Variants in CNN2 observed in about 807,000 individuals in gnomAD.
CNN2 encodes the protein calponin-2.
In CNN2, 21 loss-of-function variants were observed where a neutral mutation model predicts 31.0. The ratio of observed to expected loss-of-function variants is 0.68; its 90% confidence interval spans 0.48 to 0.98. The LOEUF is 0.98. Ranked by LOEUF, CNN2 falls within the 50% of genes least tolerant of loss-of-function variation. The pLI is 0.00. For synonymous variants in CNN2, 165 were observed against 179.6 expected (o/e 0.92, Z 0.65); for missense variants, 399 against 427.3 (o/e 0.93, Z 0.58).
At position 1,037,986 on chromosome 19, in the gene CNN2, T is replaced by C; in HGVS notation, c.*86T>C. 1.6e-6 allele frequency: 2 copies of C among 1,250,456 alleles called. No homozygotes were observed. The highest frequency in any genetic ancestry group is 2.2e-6 in the Non-Finnish European group (2 of 919,362). 77.5% of individuals were successfully genotyped at this position (1,250,456 alleles called of 1,614,324 possible). A position where few individuals can be genotyped will look rare whatever the true frequency, so the allele number is the denominator to read the frequency against. ...GTTTTCATCTTTTTTTTTTTTTTCT[T>C]AACCCGTTCAGTGCTGCCAGTCAAC... On this transcript the variant is annotated 3_prime_UTR_variant, in exon 7 of 7. Transcript: ENST00000263097.
At position 1,036,572 on chromosome 19, in the gene CNN2, G is replaced by A. The variant is rs762327778; in HGVS notation, c.654+10G>A. On this transcript the variant is annotated intron_variant, in intron 6 of 6. Transcript: ENST00000263097. ...CAAGTGTGCCAGCCAGGTGGGGCTC[G>A]CCCGGGTGCCCCCGACTCCTCTCCC... 31 of 1,613,354 alleles carry A rather than the reference G, an allele frequency of 1.9e-5. No individual in the cohort carries two copies. Among genetic ancestry groups the A allele is most frequent in the South Asian group, 4.4e-5 (4 of 91,072 alleles).
rs1599520196 is a variant in CNN2 at position 1,037,991 on chromosome 19, C to T, written c.*91C>T. The T allele has an allele frequency of 4.8e-6, 6 of 1,239,530 alleles. No homozygotes were observed. The East Asian group carries it at 7.3e-5, about 15-fold the overall frequency. 76.8% of individuals were successfully genotyped at this position (1,239,530 alleles called of 1,614,324 possible). On this transcript the variant is annotated 3_prime_UTR_variant, in exon 7 of 7. Transcript: ENST00000263097. ...CATCTTTTTTTTTTTTTTCTTAACCCGTTCAGTGCTGCCAGTCAACCAAGG... is the reference window on the plus strand; with the variant it reads ...CATCTTTTTTTTTTTTTTCTTAACCTGTTCAGTGCTGCCAGTCAACCAAGG...
chr19:1,036,672 C>T (rs1398451733), intron 6 of CNN2, 110 bp downstream of exon 6: 4 of 1,389,868 alleles, frequency 2.9e-6, no homozygotes, highest in African/African-American at 1.4e-5. Context: ...TCAGTCTCAG[C>T]CCCTTCCCTA....
At chr19:1,030,551 G>C (rs1220037943) in intron 1 of CNN2, among the ~76,000 whole-genome samples, 1 of 152,130 alleles carries the variant, frequency 6.6e-6, no homozygotes, top group Non-Finnish European at 1.5e-5. Flanking sequence ...GCCTGAACCG[G>C]GGAGGCGGAG....
chr19:1,026,960 C>A, intron 1 of CNN2: 1 of 493,158 alleles, frequency 2.0e-6, no homozygotes, highest in East Asian at 3.8e-5. Flanking sequence ...TGACCCATTC[C>A]CCCCCCCAAC....
chr19:1,036,279 C>T (rs753214697), intron 5 of CNN2, 33 bp downstream of exon 5: 21 of 1,568,368 alleles, frequency 1.3e-5, no homozygotes, highest in East Asian at 4.5e-5. Flanking sequence ...CCAGGGACCA[C>T]GGCATTGGGG....
At position 1,036,406 on chromosome 19, in the gene CNN2, C is replaced by G. The variant is rs374350795; in HGVS notation, c.508-10C>G. On this transcript the variant is annotated splice_polypyrimidine_tract_variant and intron_variant, in intron 5 of 6. Coordinates refer to ENST00000263097, the MANE Select transcript of CNN2 (RefSeq NM_004368.4). The stretch of plus-strand genomic sequence containing the variant: ...GTGCAGTCTGACCTCTCCCACGAAC[C>G]TCCCTGCAGATGGGCACCAACAAAT... 3.7e-6 allele frequency: 6 copies of G among 1,612,650 alleles called. No homozygotes were observed. In the African/African-American group the frequency reaches 6.7e-5, roughly 18 times the overall value.
chr19:1,036,654 C>T (rs773618323), intron 6 of CNN2, 92 bp downstream of exon 6: 1 of 1,500,386 alleles, frequency 6.7e-7, no homozygotes, highest in South Asian at 1.1e-5. Context: ...CAGCTTCTCT[C>T]CCCACTCTCA....
rs773611204 is a variant in CNN2 at position 1,032,571 on chromosome 19, T to C, written c.265T>C (p.Ser89Pro). Residue 89 changes from serine (S) to proline (P), a missense_variant, in exon 4 of 7, where the codon TCC becomes CCC. Physicochemically the swap from Ser to Pro is moderately conservative, Grantham distance 74. Coordinates refer to ENST00000263097, the MANE Select transcript of CNN2 (RefSeq NM_004368.4). ...TGCCTCTTCCCAGCTAGAAAACCTGTCCAACTTCATCAAGGCCATGGTCAG... is the reference window on the plus strand; with the variant it reads ...TGCCTCTTCCCAGCTAGAAAACCTGCCCAACTTCATCAAGGCCATGGTCAG... Reference protein sequence around the residue: ...MQNWHQLENLSNFIKAMVSYG... With the variant: ...MQNWHQLENLPNFIKAMVSYG... The C allele has an allele frequency of 1.2e-6, 2 of 1,613,248 alleles. No homozygotes were observed. The highest frequency in any genetic ancestry group is 1.7e-6 in the Non-Finnish European group (2 of 1,179,938).
chr19:1,029,089 C>CT (rs1170357554), intron 1 of CNN2, among the ~76,000 whole-genome samples: 2 of 130,478 alleles, frequency 1.5e-5, no homozygotes, highest in Non-Finnish European at 3.3e-5. Flanking sequence ...GCAGGTCCAG[C>CT]TCAGGGGACC....
At chr19:1,026,807 G>T in intron 1 of CNN2, 83 bp downstream of exon 1, 1 of 1,351,884 alleles carries the variant, frequency 7.4e-7, no homozygotes, top group Non-Finnish European at 9.9e-7. Flanking sequence ...GGCGCCCCCG[G>T]CACCTCCCGG....
Position 1,038,127 on chromosome 19 carries a change from C to T in CNN2, c.*227C>T, listed in dbSNP as rs2039631681. The T allele has an allele frequency of 2.0e-6, 1 of 502,964 alleles. No individual in the cohort carries two copies. Among genetic ancestry groups the T allele is most frequent in the Admixed American group, 3.7e-5 (1 of 27,146 alleles). 31.2% of individuals were successfully genotyped at this position (502,964 alleles called of 1,614,324 possible). A position where few individuals can be genotyped will look rare whatever the true frequency, so the allele number is the denominator to read the frequency against. ...GGGGGAAGGGGTCAAGGCCATATCC[C>T]AATACGTGTAGGGCGAGGGTCCCTG... On this transcript the variant is annotated 3_prime_UTR_variant, in exon 7 of 7. Transcript: ENST00000263097.
chr19:1,031,286 GCA>G, intron 2 of CNN2, 94 bp downstream of exon 2: 1 of 1,094,082 alleles, frequency 9.1e-7, no homozygotes, highest in Non-Finnish European at 1.2e-6. Context: ...GGGGGGCCGG[GCA>G]TGGCCTGGCT....
At chr19:1,035,151 A>G (rs1599514574) in intron 4 of CNN2, among the ~76,000 whole-genome samples, 1 of 127,538 alleles carries the variant, frequency 7.8e-6, no homozygotes, top group Admixed American at 8.4e-5. Context: ...GTAGACGGGG[A>G]GCGTGGGTGG....
At chr19:1,035,702 A>C (rs1330054028) in intron 4 of CNN2, among the ~76,000 whole-genome samples, 1 of 152,004 alleles carries the variant, frequency 6.6e-6, no homozygotes, top group East Asian at 1.9e-4. Context: ...GCGGGTGGAT[A>C]ACTTGAGGCC....
intron 1 of CNN2, among the ~76,000 whole-genome samples, chr19:1,028,966 C>A (rs1317795427): frequency 6.6e-6 from 1 of 152,198 alleles, no homozygotes; most frequent in African/African-American, 2.4e-5. Context: ...AGGCAGGTGC[C>A]AGGTCAGGGG....
intron 1 of CNN2, among the ~76,000 whole-genome samples, chr19:1,030,313 C>T (rs556650525): frequency 6.6e-6 from 1 of 152,238 alleles, no homozygotes; most frequent in African/African-American, 2.4e-5. Context: ...TCGGGGGCAG[C>T]TCCTTCGGGA....
chr19:1,028,486 ACCCG>A, intron 1 of CNN2, among the ~76,000 whole-genome samples: 1 of 149,528 alleles, frequency 6.7e-6, no homozygotes, highest in South Asian at 2.1e-4. Flanking sequence ...ACAGCCAGAG[ACCCG>A]CCCCCCGCCC....
intron 2 of CNN2, among the ~76,000 whole-genome samples, chr19:1,031,703 C>T (rs998203508): frequency 6.6e-6 from 1 of 150,796 alleles, no homozygotes; most frequent in Admixed American, 6.6e-5. Context: ...CAACCTCCAC[C>T]TCCTGGGTTC....
Sources: gnomAD v4.1 joint callset for allele counts (sites outside exome capture counted in the v4.1 genomes callset) on GRCh38, gnomAD v4.1.1 for gene constraint, MANE v1.5 for transcripts, NCBI Gene and HGNC (gene_info 2026-07-23, HGNC 2026-07-21) for gene names.